RGS7: variants seen among roughly 807,000 people sequenced by gnomAD.
RGS7 encodes the protein regulator of G protein signaling 7.
Under a neutral mutation model 81.1 loss-of-function variants are expected in RGS7, and 27 were observed. The observed-to-expected ratio is 0.33, with a 90% confidence interval of 0.25 to 0.46. RGS7 has a LOEUF of 0.46. Ranked by LOEUF, RGS7 falls within the 20% of genes least tolerant of loss-of-function variation. The pLI is 1.00. For missense variants in RGS7, 396 were observed against 607.4 expected (o/e 0.65, Z 3.66); for synonymous variants, 208 against 207.7 (o/e 1.00, Z -0.01).
chr1:241,086,322 T>A (rs1316930772), intron 3 of RGS7, among the ~76,000 whole-genome samples: 1 of 152,184 alleles, frequency 6.6e-6, no homozygotes, highest in African/African-American at 2.4e-5. Context: ...GTGAAAGGCA[T>A]AGTGGTGCAT....
chr1:241,192,700 G>C (rs2147796784), intron 2 of RGS7, among the ~76,000 whole-genome samples: 1 of 152,214 alleles, frequency 6.6e-6, no homozygotes, highest in South Asian at 2.1e-4. Flanking sequence ...AAAGAGCCCA[G>C]GTGAGAGAAG....
chr1:240,813,514 G>A, intron 13 of RGS7, 104 bp downstream of exon 13: 1 of 756,074 alleles, frequency 1.3e-6, no homozygotes, highest in Non-Finnish European at 2.4e-6. Context: ...TGTAGATAAA[G>A]AACAAAATTA....
At chr1:241,026,032 T>C (rs2059765313) in intron 3 of RGS7, among the ~76,000 whole-genome samples, 1 of 152,224 alleles carries the variant, frequency 6.6e-6, no homozygotes, top group South Asian at 2.1e-4. Flanking sequence ...TGGCAAATTG[T>C]CTCTTTAATA....
At chr1:241,129,608 A>C (rs1253708950) in intron 2 of RGS7, among the ~76,000 whole-genome samples, 1 of 152,204 alleles carries the variant, frequency 6.6e-6, no homozygotes, top group Non-Finnish European at 1.5e-5. Flanking sequence ...GCCAATAATC[A>C]CCGGCAGAGA....
chr1:240,887,872 T>A (rs1282234405), intron 6 of RGS7, among the ~76,000 whole-genome samples: 3 of 152,250 alleles, frequency 2.0e-5, no homozygotes, highest in Non-Finnish European at 4.4e-5. Flanking sequence ...TTATCACTTA[T>A]CTTGCTACCC....
chr1:241,346,320 G>C (rs981738457), intron 2 of RGS7, among the ~76,000 whole-genome samples: 1 of 152,100 alleles, frequency 6.6e-6, no homozygotes, highest in African/African-American at 2.4e-5. Flanking sequence ...GCTCCGCGAT[G>C]GTTCAGACCT....
intron 2 of RGS7, among the ~76,000 whole-genome samples, chr1:241,315,107 CTTTTTTTTTTTTTTTTT>C (rs5782184): frequency 1.7e-5 from 1 of 57,442 alleles, no homozygotes; most frequent in African/African-American, 7.5e-5. Context: ...TCTTCTTCTT[CTTTTTTTTTTTTTTTTT>C]TTTTTTTTTT....
At chr1:241,198,747 A>C (rs1207103013) in intron 2 of RGS7, among the ~76,000 whole-genome samples, 1 of 152,206 alleles carries the variant, frequency 6.6e-6, no homozygotes, top group Admixed American at 6.5e-5. Context: ...AAATTTTACC[A>C]AACACATTTG....
chr1:241,006,625 G>A (rs1405538235), intron 3 of RGS7, among the ~76,000 whole-genome samples: 2 of 152,160 alleles, frequency 1.3e-5, no homozygotes. Context: ...TGAACACTTG[G>A]ATAGAAAACG....
chr1:241,072,831 A>T (rs1266547923), intron 3 of RGS7, among the ~76,000 whole-genome samples: 1 of 152,182 alleles, frequency 6.6e-6, no homozygotes, highest in Non-Finnish European at 1.5e-5. Flanking sequence ...TCAGTAATAT[A>T]GGCATGTATT....
chr1:241,275,885 T>C (rs1024327782), intron 2 of RGS7, among the ~76,000 whole-genome samples: 2 of 152,210 alleles, frequency 1.3e-5, no homozygotes, highest in African/African-American at 4.8e-5. Flanking sequence ...ATTTGTTTAA[T>C]AGAGGTCTGG....
At chr1:241,089,059 C>CTATATATATA (rs1309771256) in intron 3 of RGS7, among the ~76,000 whole-genome samples, 2 of 44,018 alleles carry the variant, frequency 4.5e-5, no homozygotes, top group Non-Finnish European at 8.6e-5. Context: ...CTCTCTCTCT[C>CTATATATATA]TCTCTATATA....
intron 2 of RGS7, among the ~76,000 whole-genome samples, chr1:241,118,448 T>A (rs1238482279): frequency 2.0e-5 from 3 of 151,574 alleles, no homozygotes; most frequent in Admixed American, 6.6e-5. Flanking sequence ...CCAAAGAGAT[T>A]TTTTTTAAAA....
At chr1:241,242,406 T>C (rs2076308589) in intron 2 of RGS7, among the ~76,000 whole-genome samples, 1 of 152,180 alleles carries the variant, frequency 6.6e-6, no homozygotes, top group African/African-American at 2.4e-5. Context: ...TTCCACATTT[T>C]TTGCAGTTGT....
At chr1:241,157,466 A>G (rs1298993794) in intron 2 of RGS7, among the ~76,000 whole-genome samples, 1 of 152,186 alleles carries the variant, frequency 6.6e-6, no homozygotes, top group Non-Finnish European at 1.5e-5. Context: ...CCTGCTGCAA[A>G]AAGTCGTTCA....
chr1:240,834,384 A>G (rs1240253997), intron 9 of RGS7, among the ~76,000 whole-genome samples: 3 of 152,356 alleles, frequency 2.0e-5, no homozygotes, highest in African/African-American at 7.2e-5. Flanking sequence ...TCCAAGAGGC[A>G]GAAGGAAACA....
chr1:240,940,243 G>A (rs1677359042), intron 4 of RGS7, among the ~76,000 whole-genome samples: 1 of 151,936 alleles, frequency 6.6e-6, no homozygotes, highest in South Asian at 2.1e-4. Flanking sequence ...ATTTATTATT[G>A]TTTGTCTAAA....
chr1:241,120,757 T>C (rs987015596), intron 2 of RGS7, among the ~76,000 whole-genome samples: 4 of 151,092 alleles, frequency 2.6e-5, no homozygotes, highest in Non-Finnish European at 5.9e-5. Flanking sequence ...GGCCTCTAGA[T>C]AGAGAGGAAA....
chr1:241,320,267 T>C (rs1410364575), intron 2 of RGS7, among the ~76,000 whole-genome samples: 1 of 152,226 alleles, frequency 6.6e-6, no homozygotes, highest in Non-Finnish European at 1.5e-5. Context: ...CTCATGTAAC[T>C]ATGAGTTTTC....
Sources: allele counts gnomAD v4.1 joint callset (sites outside exome capture counted in the v4.1 genomes callset), GRCh38; gene constraint gnomAD v4.1.1; transcripts MANE v1.5; gene names NCBI Gene and HGNC (gene_info 2026-07-23, HGNC 2026-07-21).